Variants in HLA-DQB1 observed in about 807,000 individuals in gnomAD.
HLA-DQB1 encodes HLA class II histocompatibility antigen, DQ beta 1 chain.
A neutral mutation model predicts 26.4 loss-of-function variants in HLA-DQB1; 13 were observed. That is an observed-to-expected ratio of 0.49 (90% CI 0.32 to 0.78). The LOEUF (loss-of-function observed/expected upper bound fraction) is 0.78, where lower values mean the gene tolerates loss of function less well. HLA-DQB1 is among the 30% of genes least tolerant of loss of function. HLA-DQB1 has a pLI of 0.03. For missense variants in HLA-DQB1, 158 were observed against 326.2 expected (o/e 0.48, Z 3.97); for synonymous variants, 60 against 129.1 (o/e 0.46, Z 3.63).
chr6:32,659,970 A>G (rs1049225), exon 5 of HLA-DQB1: 162,892 of 245,006 alleles, frequency 0.66, 58,989 homozygotes, highest in South Asian at 0.81. Context: ...AGTCTGAGGA[A>G]AGAATAGAAA....
At chr6:32,665,101 C>CATCCTGGCCCT in intron 1 of HLA-DQB1, 34 bp from the exon 2 acceptor site, 1 of 1,113,578 alleles carries the variant, frequency 9.0e-7, no homozygotes, top group Non-Finnish European at 1.2e-6. Context: ...AGTCAGGCCC[C>CATCCTGGCCCT]AGCCCGGCCG....
chr6:32,666,059 A>C (rs41264352), intron 1 of HLA-DQB1, among the ~76,000 whole-genome samples: 15,284 of 107,704 alleles, frequency 0.14, 1,456 homozygotes, highest in Middle Eastern at 0.28. Context: ...AATAGAGACA[A>C]ATTTTCCTCA....
intron 3 of HLA-DQB1, chr6:32,661,702 C>T (rs117783863): frequency 0.031 from 13,480 of 433,158 alleles, 2,535 homozygotes; most frequent in East Asian, 0.24. Context: ...CCCTAAGATC[C>T]CAGTCACCAG....
At chr6:32,665,145 C>T (rs281861987) in intron 1 of HLA-DQB1, 78 bp from the exon 2 acceptor site, 1 of 881,648 alleles carries the variant, frequency 1.1e-6, no homozygotes. Flanking sequence ...CGGCCTGGAG[C>T]TGTGGAACCG....
intron 3 of HLA-DQB1, 117 bp downstream of exon 3, chr6:32,661,850 G>T (rs281864220): frequency 1.2e-6 from 1 of 848,594 alleles, no homozygotes; most frequent in Non-Finnish European, 1.9e-6. Context: ...AGGTGCTCTA[G>T]TCTCCTGTGA....
chr6:32,664,680 CCT>C (rs1783763219), intron 2 of HLA-DQB1, 116 bp downstream of exon 2: 3,526 of 315,852 alleles, frequency 0.011, 439 homozygotes, highest in South Asian at 0.023. Context: ...CCTCCTTTCC[CCT>C]GGGGTGGAAT....
intron 3 of HLA-DQB1, 50 bp downstream of exon 3, chr6:32,661,917 A>ATCTCT: frequency 1.8e-6 from 2 of 1,109,384 alleles, no homozygotes; most frequent in Non-Finnish European, 2.5e-6. Context: ...GGTCAGAAGG[A>ATCTCT]GCTCTTTGTC....
chr6:32,660,803 T>C, intron 4 of HLA-DQB1: 1 of 981,632 alleles, frequency 1.0e-6, no homozygotes, highest in Non-Finnish European at 1.5e-6. Flanking sequence ...ACTCAGCTCA[T>C]GCTCTTCCCT....
At chr6:32,661,300 G>A (rs281864301) in intron 4 of HLA-DQB1, 47 bp downstream of exon 4, 3 of 1,132,740 alleles carry the variant, frequency 2.6e-6, no homozygotes, top group Non-Finnish European at 3.9e-6. Context: ...CTGAACAGAG[G>A]GTCTGGGTCA....
chr6:32,660,161 C>T (rs36205178), exon 5 of HLA-DQB1: 49,891 of 653,982 alleles, frequency 0.076, 9,231 homozygotes, highest in African/African-American at 0.15. Flanking sequence ...ACACAGGCAG[C>T]TGGGAATTCT....
chr6:32,660,280 CA>C, intron 4 of HLA-DQB1, 31 bp from the exon 5 acceptor site: 1 of 990,888 alleles, frequency 1.0e-6, no homozygotes, highest in Non-Finnish European at 1.4e-6. Context: ...TTGATCAGCA[CA>C]GGGTATCCTG....
chr6:32,666,394 A>G (rs281860941), intron 1 of HLA-DQB1, 105 bp downstream of exon 1: 1 of 415,850 alleles, frequency 2.4e-6, no homozygotes, highest in African/African-American at 2.9e-5. Flanking sequence ...AATGTTGATG[A>G]AAGATTGTGT....
At chr6:32,663,785 A>C (rs281863227) in intron 2 of HLA-DQB1, 1 of 140,544 alleles carries the variant, frequency 7.1e-6, no homozygotes, top group Non-Finnish European at 1.6e-5. Context: ...GGGGGAGGGG[A>C]TAACCTAGGC....
intron 4 of HLA-DQB1, 58 bp downstream of exon 4, chr6:32,661,289 T>C (rs28724238): frequency 0.093 from 83,455 of 894,526 alleles, 8,451 homozygotes; most frequent in Admixed American, 0.27. Context: ...ACAGGACCAC[T>C]CTGAACAGAG....
chr6:32,666,411 TCA>T, intron 1 of HLA-DQB1, 86 bp downstream of exon 1: 1 of 476,302 alleles, frequency 2.1e-6, no homozygotes, highest in South Asian at 2.8e-5. Context: ...GTGTCCAAGA[TCA>T]TAGAGATCAC....
chr6:32,661,719 G>T (rs9273800), intron 3 of HLA-DQB1: 148,066 of 355,290 alleles, frequency 0.42, 42,078 homozygotes, highest in Middle Eastern at 0.52. Flanking sequence ...CCAGCCCTAA[G>T]AATCAGTCCC....
At chr6:32,663,401 G>GATTGATTGATCATA (rs1431618378) in intron 2 of HLA-DQB1, 1 of 109,340 alleles carries the variant, frequency 9.1e-6, no homozygotes, top group Admixed American at 8.6e-5. Flanking sequence ...GATTAATCAT[G>GATTGATTGATCATA]AATTTTCAAT....
At chr6:32,665,093 T>TCCGGCCTCGGC in intron 1 of HLA-DQB1, 26 bp from the exon 2 acceptor site, 1 of 1,111,690 alleles carries the variant, frequency 9.0e-7, no homozygotes, top group Admixed American at 2.6e-5. Context: ...GGCCGGTCAG[T>TCCGGCCTCGGC]CAGGCCCCAG....
At chr6:32,661,783 A>C (rs937390332) in intron 3 of HLA-DQB1, 184 bp downstream of exon 3, 1 of 566,552 alleles carries the variant, frequency 1.8e-6, no homozygotes, top group Non-Finnish European at 3.1e-6. Context: ...TAATTTCCCT[A>C]GCATCTGGAA....
Sources: allele counts gnomAD v4.1 joint callset (sites outside exome capture counted in the v4.1 genomes callset), GRCh38; gene constraint gnomAD v4.1.1; transcripts MANE v1.5; gene names NCBI Gene and HGNC (gene_info 2026-07-23, HGNC 2026-07-21).